The following TRHDE variants were observed in gnomAD, a reference collection of about 807,000 sequenced individuals.
TRHDE encodes the protein thyrotropin releasing hormone degrading enzyme, also known as thyrotropin-releasing hormone-degrading ectoenzyme.
In TRHDE, 72 loss-of-function variants were observed where a neutral mutation model predicts 125.7. That is an observed-to-expected ratio of 0.57 (90% CI 0.47 to 0.70). The LOEUF (loss-of-function observed/expected upper bound fraction) is 0.70. TRHDE is among the 30% of genes least tolerant of loss of function. The pLI, the probability that TRHDE is intolerant of heterozygous loss-of-function variation, is 0.00. For missense variants in TRHDE, 1,110 were observed against 1,327.1 expected (o/e 0.84, Z 2.54); for synonymous variants, 509 against 509.1 (o/e 1.00, Z 0.00).
At chr12:72,518,081 A>G (rs928128599) in intron 6 of TRHDE, among the ~76,000 whole-genome samples, 3 of 149,400 alleles carry the variant, frequency 2.0e-5, no homozygotes, top group Admixed American at 6.7e-5. Flanking sequence ...GGTCAATTTT[A>G]GAATAGGTGT....
chr12:72,275,423 A>G (rs1369112869), intron 1 of TRHDE, among the ~76,000 whole-genome samples: 1 of 152,220 alleles, frequency 6.6e-6, no homozygotes, highest in African/African-American at 2.4e-5. Flanking sequence ...TTAGATATGG[A>G]TATTTTAAAC....
intron 3 of TRHDE, among the ~76,000 whole-genome samples, chr12:72,436,280 G>A (rs1447285082): frequency 6.6e-6 from 1 of 151,914 alleles, no homozygotes; most frequent in Admixed American, 6.6e-5. Context: ...TAATTAACAT[G>A]TCGTGGTTTT....
intron 2 of TRHDE, chr12:72,262,685 T>C (rs187898779): frequency 1.6e-3 from 241 of 152,256 alleles, no homozygotes; most frequent in African/African-American, 5.2e-3. Context: ...ACAGAAAGTA[T>C]TGTAAACATT....
chr12:72,328,427 T>A (rs970536856), intron 2 of TRHDE, among the ~76,000 whole-genome samples: 11 of 150,344 alleles, frequency 7.3e-5, no homozygotes, highest in South Asian at 2.1e-4. Flanking sequence ...TTGGTTTTTT[T>A]AAAATGCTTG....
At chr12:72,447,370 T>C (rs995955397) in intron 3 of TRHDE, among the ~76,000 whole-genome samples, 56 of 152,234 alleles carry the variant, frequency 3.7e-4, no homozygotes, top group Middle Eastern at 3.4e-3. Flanking sequence ...TACAGCAGTG[T>C]GTAGAGGGAA....
chr12:72,444,308 T>A (rs1875169140), intron 3 of TRHDE, among the ~76,000 whole-genome samples: 1 of 151,928 alleles, frequency 6.6e-6, no homozygotes, highest in Non-Finnish European at 1.5e-5. Flanking sequence ...TTATTCTAAT[T>A]GCACTGTAAA....
At chr12:72,580,240 G>T (rs963222424) in intron 12 of TRHDE, among the ~76,000 whole-genome samples, 7 of 152,114 alleles carry the variant, frequency 4.6e-5, no homozygotes, top group African/African-American at 1.7e-4. Flanking sequence ...ACGGGTTCTG[G>T]TAATATTGTG....
At chr12:72,382,092 C>T (rs542616658) in intron 3 of TRHDE, among the ~76,000 whole-genome samples, 2 of 152,044 alleles carry the variant, frequency 1.3e-5, no homozygotes, top group Non-Finnish European at 2.9e-5. Context: ...GAGTCAGAAA[C>T]GACTACTGAG....
intron 15 of TRHDE, among the ~76,000 whole-genome samples, chr12:72,645,787 G>A (rs1399098775): frequency 2.0e-5 from 3 of 152,090 alleles, no homozygotes; most frequent in African/African-American, 7.2e-5. Flanking sequence ...CAGAAATCTT[G>A]CAAGCTAGAA....
intron 2 of TRHDE, among the ~76,000 whole-genome samples, chr12:72,324,950 A>G (rs1460561419): frequency 6.6e-6 from 1 of 152,100 alleles, no homozygotes; most frequent in East Asian, 1.9e-4. Context: ...ACCACTGGTG[A>G]TCATAATCCT....
chr12:72,198,345 G>A (rs1420561885), intron 2 of TRHDE, among the ~76,000 whole-genome samples: 1 of 151,906 alleles, frequency 6.6e-6, no homozygotes, highest in Non-Finnish European at 1.5e-5. Context: ...ATGTTTATCT[G>A]CTTGTTCCTT....
intron 2 of TRHDE, among the ~76,000 whole-genome samples, chr12:72,215,901 T>C (rs1877880169): frequency 6.6e-6 from 1 of 152,178 alleles, no homozygotes; most frequent in Non-Finnish European, 1.5e-5. Flanking sequence ...TACTTCTGAA[T>C]ATGCACTTTC....
chr12:72,422,929 C>T (rs888820815), intron 3 of TRHDE, among the ~76,000 whole-genome samples: 1 of 152,032 alleles, frequency 6.6e-6, no homozygotes. Flanking sequence ...ATCATGGACT[C>T]CCCAGCCTCC....
intron 1 of TRHDE, chr12:72,105,629 AATT>A (rs1665324788): frequency 6.6e-6 from 1 of 152,140 alleles, no homozygotes; most frequent in Non-Finnish European, 1.5e-5. Context: ...CCATAATTAC[AATT>A]ATTATTATCT....
At chr12:72,267,680 A>G (rs1017170212), upstream of TRHDE, among the ~76,000 whole-genome samples, 4 of 152,098 alleles carry the variant, frequency 2.6e-5, no homozygotes, top group African/African-American at 9.7e-5. Flanking sequence ...TAAAAATAAA[A>G]AATGAAAAAA....
intron 2 of TRHDE, among the ~76,000 whole-genome samples, chr12:72,372,008 A>G (rs1357341371): frequency 6.6e-6 from 1 of 152,194 alleles, no homozygotes; most frequent in East Asian, 1.9e-4. Context: ...AGTCCCACCA[A>G]CAGTATAAAA....
At chr12:72,650,036 C>G (rs1429732091) in intron 15 of TRHDE, among the ~76,000 whole-genome samples, 1 of 152,046 alleles carries the variant, frequency 6.6e-6, no homozygotes, top group Non-Finnish European at 1.5e-5. Context: ...AGATATTTAT[C>G]TAAAAGAATT....
chr12:72,574,124 T>G (rs866862544), intron 10 of TRHDE, among the ~76,000 whole-genome samples: 11 of 152,070 alleles, frequency 7.2e-5, no homozygotes, highest in Middle Eastern at 3.2e-3. Context: ...GTATAAACTC[T>G]TCTTGTGTAG....
intron 3 of TRHDE, among the ~76,000 whole-genome samples, chr12:72,434,288 G>A (rs188760535): frequency 1.3e-5 from 2 of 151,514 alleles, no homozygotes; most frequent in Non-Finnish European, 2.9e-5. Flanking sequence ...GGGAGGCTGA[G>A]GCAGGAGAAT....
Sources: gnomAD v4.1 joint callset for allele counts (sites outside exome capture counted in the v4.1 genomes callset) on GRCh38, gnomAD v4.1.1 for gene constraint, MANE v1.5 for transcripts, NCBI Gene and HGNC (gene_info 2026-07-23, HGNC 2026-07-21) for gene names.